The following STAU2 variants were observed in gnomAD, a reference collection of about 807,000 sequenced individuals.
STAU2 encodes staufen double-stranded RNA binding protein 2.
A neutral mutation model predicts 65.9 loss-of-function variants in STAU2; 20 were observed. That is an observed-to-expected ratio of 0.30 (90% CI 0.21 to 0.44). The LOEUF is 0.44. STAU2 is among the 20% of genes least tolerant of loss of function. The pLI is 1.00. For synonymous variants in STAU2, 232 were observed against 233.9 expected, an observed-to-expected ratio of 0.99 and a Z score of 0.07; for missense variants, 558 against 683.9, an observed-to-expected ratio of 0.82 and a Z score of 2.05.
chr8:73,675,370 T>TACACATACAC (rs1554561439), intron 5 of STAU2: 8 of 145,572 alleles, frequency 5.5e-5, no homozygotes, highest in Non-Finnish European at 1.2e-4. Context: ...CATACATGTA[T>TACACATACAC]ACACACACAC....
intron 13 of STAU2, among the ~76,000 whole-genome samples, chr8:73,479,472 G>GCACACACACACACACACACACACA (rs5892420): frequency 1.0e-4 from 14 of 139,840 alleles, no homozygotes; most frequent in South Asian, 2.5e-4. Flanking sequence ...TCCCTATTCT[G>GCACACACACACACACACACACACA]CACACACACA....
At chr8:73,436,568 T>TTTTATTTATTTATTTATTTATTTA (rs3032117) in intron 13 of STAU2, among the ~76,000 whole-genome samples, 2 of 141,468 alleles carry the variant, frequency 1.4e-5, no homozygotes, top group African/African-American at 2.7e-5. Flanking sequence ...TTTGCCAATT[T>TTTTATTTATTTATTTATTTATTTA]TTTATTTATT....
intron 13 of STAU2, among the ~76,000 whole-genome samples, chr8:73,514,295 C>T (rs768624715): frequency 6.6e-6 from 1 of 152,154 alleles, no homozygotes; most frequent in African/African-American, 2.4e-5. Flanking sequence ...TAGAAGCCTT[C>T]CTCCTCATCA....
intron 13 of STAU2, among the ~76,000 whole-genome samples, chr8:73,530,828 T>C (rs1416048196): frequency 7.3e-6 from 1 of 137,232 alleles, no homozygotes; most frequent in East Asian, 2.1e-4. Flanking sequence ...GCCAAGGGGC[T>C]ACTCAGGCCA....
chr8:73,551,390 A>G, intron 13 of STAU2: 1 of 986,972 alleles, frequency 1.0e-6, no homozygotes, highest in Non-Finnish European at 1.2e-6. Flanking sequence ...GGCAGGTGCT[A>G]CCCTCCCTAG....
intron 5 of STAU2, among the ~76,000 whole-genome samples, chr8:73,678,154 T>C (rs1818144879): frequency 6.6e-6 from 1 of 152,110 alleles, no homozygotes; most frequent in Non-Finnish European, 1.5e-5. Flanking sequence ...TTTTTTAGTG[T>C]CTCCCACCTT....
At chr8:73,496,858 G>A (rs1821449280) in intron 13 of STAU2, among the ~76,000 whole-genome samples, 1 of 151,600 alleles carries the variant, frequency 6.6e-6, no homozygotes, top group Non-Finnish European at 1.5e-5. Context: ...ATGCTCAATA[G>A]CCACATGTGG....
chr8:73,627,239 GC>G (rs1813745142), intron 6 of STAU2, among the ~76,000 whole-genome samples: 1 of 100,018 alleles, frequency 1.0e-5, no homozygotes, highest in Non-Finnish European at 2.1e-5. Context: ...GGGCAGGAGG[GC>G]GGGTTCCCTG....
At position 73,583,416 on chromosome 8, in the gene STAU2, G is replaced by C. The variant is rs111531287; in HGVS notation, c.1162-586C>G. ...CCACTTTGGCCTCCCAAAGTGCTGG[G>C]ATTATAAGTGTGAGCCACTAAGCCT... On this transcript the variant is annotated intron_variant, in intron 11 of 14. Coordinates refer to ENST00000524300, the MANE Select transcript of STAU2 (RefSeq NM_001164380.2). Among the ~76,000 whole-genome samples the C allele has an allele frequency of 3.3e-3, 507 of 152,162 alleles. 3 individuals are homozygous for C. Among genetic ancestry groups the C allele is most frequent in the African/African-American group, 0.01 (431 of 41,512 alleles).
chr8:73,437,692 G>GTAA (rs1817814023), intron 13 of STAU2, among the ~76,000 whole-genome samples: 1 of 152,158 alleles, frequency 6.6e-6, no homozygotes, highest in Non-Finnish European at 1.5e-5. Context: ...GGTTGGTGAT[G>GTAA]GGCCCAGGGA....
At chr8:73,563,046 A>G (rs964214296) in intron 12 of STAU2, among the ~76,000 whole-genome samples, 2 of 152,198 alleles carry the variant, frequency 1.3e-5, no homozygotes, top group Non-Finnish European at 1.5e-5. Context: ...CCAGGAAAGA[A>G]GCAGCCTAGC....
chr8:73,547,674 G>A (rs62508210), intron 13 of STAU2, among the ~76,000 whole-genome samples: 1 of 152,052 alleles, frequency 6.6e-6, no homozygotes, highest in Non-Finnish European at 1.5e-5. Flanking sequence ...GATTTTAATG[G>A]CAAATCAGAG....
intron 4 of STAU2, among the ~76,000 whole-genome samples, chr8:73,695,305 G>A (rs1455815015): frequency 2.0e-5 from 3 of 152,204 alleles, no homozygotes; most frequent in Admixed American, 1.3e-4. Flanking sequence ...AGGCAGAGCC[G>A]TGAGGCCCCC....
At chr8:73,554,077 C>G (rs1807542127) in intron 12 of STAU2, among the ~76,000 whole-genome samples, 1 of 152,150 alleles carries the variant, frequency 6.6e-6, no homozygotes, top group South Asian at 2.1e-4. Context: ...GGAGGCCTCT[C>G]AAACTTTTAT....
At chr8:73,680,679 G>T (rs984858103) in intron 5 of STAU2, among the ~76,000 whole-genome samples, 3 of 151,992 alleles carry the variant, frequency 2.0e-5, no homozygotes, top group African/African-American at 7.2e-5. Context: ...GGAGGCACTA[G>T]AGAAAGGTGA....
chr8:73,727,096 G>A (rs1338092297), intron 3 of STAU2, among the ~76,000 whole-genome samples: 3 of 152,018 alleles, frequency 2.0e-5, no homozygotes, highest in East Asian at 3.9e-4. Context: ...TGGGCGTGGC[G>A]GCAGGTGCCT....
At chr8:73,541,078 G>A (rs538794083) in intron 13 of STAU2, among the ~76,000 whole-genome samples, 6 of 152,320 alleles carry the variant, frequency 3.9e-5, no homozygotes, top group African/African-American at 1.2e-4. Context: ...AGAAACCAGT[G>A]AGAACTGGTT....
At chr8:73,442,237 T>C (rs183001421) in intron 13 of STAU2, among the ~76,000 whole-genome samples, 1 of 151,372 alleles carries the variant, frequency 6.6e-6, no homozygotes, top group Non-Finnish European at 1.5e-5. Flanking sequence ...GCCTGTAGTC[T>C]CAGCTACTCG....
intron 6 of STAU2, among the ~76,000 whole-genome samples, chr8:73,637,477 T>TAAAAAAAAAAAAAAAAAAAAAAAAAAAAG (rs1814621953): frequency 1.8e-5 from 1 of 57,086 alleles, no homozygotes; most frequent in Non-Finnish European, 3.0e-5. Flanking sequence ...GTGCTGAAAG[T>TAAAAAAAAAAAAAAAAAAAAAAAAAAAAG]AAAAAAAAAA....
Sources: gnomAD v4.1 joint callset for allele counts (sites outside exome capture counted in the v4.1 genomes callset) on GRCh38, gnomAD v4.1.1 for gene constraint, MANE v1.5 for transcripts, NCBI Gene and HGNC (gene_info 2026-07-23, HGNC 2026-07-21) for gene names.